ZDHHC15: variants seen among roughly 807,000 people sequenced by gnomAD.
ZDHHC15 encodes palmitoyltransferase ZDHHC15.
Under a neutral mutation model 31.7 loss-of-function variants are expected in ZDHHC15, and 19 were observed. The observed-to-expected ratio is 0.60, with a 90% CI of 0.42 to 0.88. ZDHHC15 has a LOEUF of 0.88. ZDHHC15 is among the 40% of genes least tolerant of loss of function. ZDHHC15 has a pLI of 0.00. For missense variants in ZDHHC15, 209 were observed against 251.2 expected (o/e 0.83, Z 1.14); for synonymous variants, 103 against 90.0 (o/e 1.14, Z -0.82).
At chrX:75,423,124 T>C (rs768663495) in intron 8 of ZDHHC15, among the ~76,000 whole-genome samples, 120 of 108,448 alleles carry the variant, frequency 1.1e-3, no homozygotes, top group African/African-American at 3.9e-3. Context: ...TCAATCAATC[T>C]TCCTGTCTCA....
intron 4 of ZDHHC15, among the ~76,000 whole-genome samples, chrX:75,438,495 G>C (rs1292179798): frequency 9.0e-6 from 1 of 110,585 alleles, no homozygotes; most frequent in Non-Finnish European, 1.9e-5. Context: ...CATATTTTTA[G>C]TGTCCATTTG....
At chrX:75,399,185 G>T (rs990527323) in intron 10 of ZDHHC15, among the ~76,000 whole-genome samples, 1 of 110,607 alleles carries the variant, frequency 9.0e-6, no homozygotes, top group African/African-American at 3.3e-5. Flanking sequence ...CAATGGGCAG[G>T]TCCTCCAGGC....
chrX:75,384,623 T>C, intron 10 of ZDHHC15: 1 of 833,119 alleles, frequency 1.2e-6, no homozygotes, highest in Non-Finnish European at 1.8e-6. Context: ...AATGTGCGTA[T>C]TGAGCACATT....
At chrX:75,458,382 G>C (rs1351262096) in intron 3 of ZDHHC15, among the ~76,000 whole-genome samples, 2 of 111,504 alleles carry the variant, frequency 1.8e-5, no homozygotes, top group African/African-American at 6.5e-5. Context: ...CCTGGATACT[G>C]ATTACTTAGG....
chrX:75,443,555 T>A (rs1207216950), intron 4 of ZDHHC15, among the ~76,000 whole-genome samples: 1 of 112,040 alleles, frequency 8.9e-6, no homozygotes, highest in Admixed American at 9.5e-5. Context: ...GACATAGGCA[T>A]GGTCAAAGAC....
chrX:75,384,970 C>T, intron 10 of ZDHHC15: 1 of 417,025 alleles, frequency 2.4e-6, no homozygotes, highest in Non-Finnish European at 4.2e-6. Context: ...CAATTTGGTA[C>T]CCTTGAAGAA....
At chrX:75,462,567 C>T (rs772661184) in intron 3 of ZDHHC15, among the ~76,000 whole-genome samples, 1 of 112,243 alleles carries the variant, frequency 8.9e-6, no homozygotes, top group African/African-American at 3.2e-5. Context: ...GAAATCATAA[C>T]AGTCTCTCAG....
chrX:75,435,871 A>C (rs1284148601), intron 4 of ZDHHC15, among the ~76,000 whole-genome samples: 1 of 112,109 alleles, frequency 8.9e-6, no homozygotes, highest in Non-Finnish European at 1.9e-5. Flanking sequence ...TAATTTAGGA[A>C]GGATTCCCTC....
In ZDHHC15 at chrX:75,472,689, T is replaced by C. The variant is rs1285331758; in HGVS notation, c.258+6202A>G. ...CCTGTTCTGTGGACATCACTCAGCC[T>C]CTTTCCCCAGCCACCCCTGTCATCG... On this transcript the variant is annotated intron_variant, in intron 3 of 11. Coordinates refer to ENST00000373367, the MANE Select transcript of ZDHHC15 (RefSeq NM_144969.3). Among the ~76,000 whole-genome samples, 5 of 112,179 alleles carry C rather than the reference T, an allele frequency of 4.5e-5. No homozygotes were observed. The East Asian group carries it at 1.1e-3, about 25-fold the overall frequency.
chrX:75,444,268 C>T (rs1487076370), intron 4 of ZDHHC15, among the ~76,000 whole-genome samples: 1 of 109,794 alleles, frequency 9.1e-6, no homozygotes, highest in Non-Finnish European at 1.9e-5. Flanking sequence ...CACATATACA[C>T]CATGGAATAC....
chrX:75,517,352 G>A (rs780497042), intron 1 of ZDHHC15, among the ~76,000 whole-genome samples: 2 of 110,582 alleles, frequency 1.8e-5, no homozygotes, highest in South Asian at 7.8e-4. Context: ...GCCCATCAAT[G>A]ATAGACTGGA....
intron 3 of ZDHHC15, among the ~76,000 whole-genome samples, chrX:75,458,595 A>G (rs987683552): frequency 2.7e-5 from 3 of 111,489 alleles, no homozygotes; most frequent in Non-Finnish European, 5.6e-5. Flanking sequence ...GTGCGTTTTT[A>G]TGGTACTGTC....
At chrX:75,464,458 A>G (rs946355181) in intron 3 of ZDHHC15, among the ~76,000 whole-genome samples, 4 of 111,340 alleles carry the variant, frequency 3.6e-5, no homozygotes, top group Non-Finnish European at 7.5e-5. Context: ...ATAAAAAATA[A>G]ACTCACAAAA....
chrX:75,470,603 G>A (rs1160659378), intron 3 of ZDHHC15, among the ~76,000 whole-genome samples: 2 of 111,063 alleles, frequency 1.8e-5, no homozygotes, highest in East Asian at 5.7e-4. Context: ...ATGATTCCAG[G>A]CAAGCAAAAA....
At chrX:75,460,548 T>A (rs992479455) in intron 3 of ZDHHC15, among the ~76,000 whole-genome samples, 1 of 108,959 alleles carries the variant, frequency 9.2e-6, no homozygotes, top group Non-Finnish European at 1.9e-5. Flanking sequence ...CAGAAACAGG[T>A]CATTACCCCC....
At chrX:75,429,596 C>A (rs972535593) in intron 6 of ZDHHC15, among the ~76,000 whole-genome samples, 7 of 111,612 alleles carry the variant, frequency 6.3e-5, no homozygotes, top group African/African-American at 2.3e-4. Context: ...TGGAAAATTG[C>A]TGAATTTAAC....
At chrX:75,463,121 G>T (rs1376705104) in intron 3 of ZDHHC15, among the ~76,000 whole-genome samples, 1 of 111,344 alleles carries the variant, frequency 9.0e-6, no homozygotes, top group East Asian at 2.8e-4. Context: ...AACCATCAGA[G>T]AATACTATAA....
At chrX:75,479,073 T>C in intron 2 of ZDHHC15, 88 bp from the exon 3 acceptor site, 1 of 611,001 alleles carries the variant, frequency 1.6e-6, no homozygotes, top group Non-Finnish European at 2.4e-6. Flanking sequence ...CGAATTTTTA[T>C]TGTTTTCTTA....
chrX:75,375,143 T>C (rs2083046780), intron 11 of ZDHHC15, among the ~76,000 whole-genome samples: 1 of 111,874 alleles, frequency 8.9e-6, no homozygotes, highest in Non-Finnish European at 1.9e-5. Flanking sequence ...TTATACGTGT[T>C]TCCAAGTTGC....
Sources: gnomAD v4.1 joint callset for allele counts (sites outside exome capture counted in the v4.1 genomes callset) on GRCh38, gnomAD v4.1.1 for gene constraint, MANE v1.5 for transcripts, NCBI Gene and HGNC (gene_info 2026-07-23, HGNC 2026-07-21) for gene names.